The following ABCB10 variants were observed in gnomAD, a reference collection of about 807,000 sequenced individuals.
ABCB10 encodes ATP-binding cassette sub-family B member 10, mitochondrial.
ABCB10 carries 54 observed loss-of-function variants against 65.4 expected under a neutral mutation model. The observed-to-expected ratio is 0.83, with a 90% CI of 0.66 to 1.04. ABCB10 has a LOEUF of 1.04. Among genes scored for constraint, ABCB10 ranks in the 50% least tolerant of loss-of-function variants. The pLI is 0.00. For synonymous variants in ABCB10, 418 were observed against 406.5 expected (o/e 1.03, Z -0.34); for missense variants, 846 against 976.6 (o/e 0.87, Z 1.78).
At chr1:229,542,168 T>A (rs758013425) in intron 4 of ABCB10, 69 bp downstream of exon 4, 37 of 1,557,832 alleles carry the variant, frequency 2.4e-5, no homozygotes, top group Non-Finnish European at 3.2e-5. Context: ...TCCCTTAGGA[T>A]CTGCCCTCTA....
At chr1:229,543,825 A>C (rs1662906697) in intron 3 of ABCB10, among the ~76,000 whole-genome samples, 1 of 152,174 alleles carries the variant, frequency 6.6e-6, no homozygotes, top group Non-Finnish European at 1.5e-5. Context: ...CACCCTGAGA[A>C]GACAAGTCCA....
intron 6 of ABCB10, 32 bp downstream of exon 6, chr1:229,539,424 T>G: frequency 6.2e-7 from 1 of 1,605,338 alleles, no homozygotes; most frequent in Non-Finnish European, 8.5e-7. Context: ...ATTTTTAATT[T>G]GTAACACCCC....
chr1:229,558,631 G>A lies in ABCB10; in HGVS notation c.22C>T (p.Pro8Ser). The A allele has an allele frequency of 1.4e-6, 2 of 1,399,976 alleles. No individual in the cohort carries two copies. Among genetic ancestry groups the A allele is most frequent in the Non-Finnish European group, 1.9e-6 (2 of 1,076,914 alleles). The allele number at this position is 1,399,976 out of a possible 1,614,324, so 86.7% of individuals were successfully genotyped here. A position where few individuals can be genotyped will look rare whatever the true frequency, so the allele number is the denominator to read the frequency against. ...CTCGGTGGCTCGAGCAGCCGCAGCG[G>A]CCAGGCAGGGGGGCCTCGCATGGCG... MRGPPAWPLRLLEPPSPA... is the reference protein window; with the variant it reads MRGPPAWSLRLLEPPSPA... The change falls in exon 1 of 13, where the codon CCG becomes TCG. Residue 8 changes from proline to serine, a missense_variant. Physicochemically the swap from Pro to Ser is moderately conservative, Grantham distance 74 (BLOSUM62 -1). Around this residue, in one of 2 missense-constraint regions of ABCB10, gnomAD observed 214 missense variants for 173.5 expected, o/e 1.23. Transcript: ENST00000344517.
At position 229,517,663 on chromosome 1, in the gene ABCB10, GTTAA is replaced by G. The variant is rs1187116724; in HGVS notation, c.*512_*515del. 1 of 153,762 alleles carries G rather than the reference GTTAA, an allele frequency of 6.5e-6. No individual in the cohort carries two copies. Among genetic ancestry groups the G allele is most frequent in the Non-Finnish European group, 1.4e-5 (1 of 69,244 alleles). The allele number at this position is 153,762 out of a possible 1,614,324, so 9.5% of individuals were successfully genotyped here. A position where few individuals can be genotyped will look rare whatever the true frequency, so the allele number is the denominator to read the frequency against. On this transcript the variant is annotated 3_prime_UTR_variant, in exon 13 of 13. Coordinates refer to ENST00000344517, the MANE Select transcript of ABCB10 (RefSeq NM_012089.3). ...AAATGTTCCCTTCTTTCCAGCTGATGTTAAATAGTTAGGTTTGCTTCATGAGATT... is the reference window on the plus strand; with the variant it reads ...AAATGTTCCCTTCTTTCCAGCTGATGATAGTTAGGTTTGCTTCATGAGATT...
Position 229,529,017 on chromosome 1 carries a change from C to T in ABCB10, c.1645+1182G>A, listed in dbSNP as rs1195518888. On this transcript the variant is annotated intron_variant, in intron 8 of 12. Coordinates refer to ENST00000344517, the MANE Select transcript of ABCB10 (RefSeq NM_012089.3). ...ATCCATTAAGAAAATCCCGGCTGGG[C>T]GCGGTGGCTCACGCCTGTAATCCCA... Among the ~76,000 whole-genome samples the T allele has an allele frequency of 3.3e-5, 5 of 152,186 alleles. No individual in the cohort carries two copies. In the Middle Eastern group the frequency reaches 0.01, roughly 311 times the overall value.
intron 1 of ABCB10, among the ~76,000 whole-genome samples, chr1:229,553,195 C>A (rs376999505): frequency 3.7e-4 from 57 of 152,228 alleles, no homozygotes; most frequent in Middle Eastern, 6.8e-3. Context: ...ACTGCAACCT[C>A]CACCTCCCAG....
intron 10 of ABCB10, among the ~76,000 whole-genome samples, chr1:229,523,838 C>G (rs944178059): frequency 3.3e-5 from 5 of 152,136 alleles, no homozygotes; most frequent in African/African-American, 1.2e-4. Context: ...AATTTCACCA[C>G]GAGCAGTTTA....
intron 8 of ABCB10, 60 bp from the exon 9 acceptor site, chr1:229,527,368 C>T: frequency 6.9e-7 from 1 of 1,448,680 alleles, no homozygotes; most frequent in Non-Finnish European, 9.6e-7. Context: ...ATGACCAACA[C>T]AGAAAGGATC....
At chr1:229,520,526 A>G (rs545428010) in intron 11 of ABCB10, among the ~76,000 whole-genome samples, 17 of 152,070 alleles carry the variant, frequency 1.1e-4, no homozygotes, top group African/African-American at 3.9e-4. Context: ...AAAAAAAAAA[A>G]AGAGACTAAT....
At chr1:229,534,391 G>C (rs1035179556) in intron 6 of ABCB10, among the ~76,000 whole-genome samples, 7 of 151,974 alleles carry the variant, frequency 4.6e-5, no homozygotes, top group African/African-American at 1.7e-4. Flanking sequence ...AATTTTTTTT[G>C]TAAGAAAAAA....
intron 9 of ABCB10, among the ~76,000 whole-genome samples, chr1:229,526,726 C>T (rs2102685913): frequency 6.6e-6 from 1 of 152,314 alleles, no homozygotes. Flanking sequence ...AGCAACATTT[C>T]CCTGCCCCAA....
chr1:229,547,627 T>G lies in ABCB10; in HGVS notation c.793A>C (p.Lys265Gln). 1 of 1,614,202 alleles carries G rather than the reference T, an allele frequency of 6.2e-7. No individual in the cohort carries two copies. The highest frequency in any genetic ancestry group is 8.5e-7 in the Non-Finnish European group (1 of 1,180,046). The change falls in exon 3 of 13, where the codon AAG (lysine) becomes CAG (glutamine). Residue 265 changes from lysine (K) to glutamine (Q), a missense_variant. This residue lies in a region of ABCB10 where 632 missense variants were observed against 803.2 expected (regional missense o/e 0.79). Coordinates refer to ENST00000344517, the MANE Select transcript of ABCB10 (RefSeq NM_012089.3). ...TTAATCAATTCTCCTGTGCGAGTCT[T>G]GTCAAAGAAAGCAACCTCCTGCCTC... ...ILRQEVAFFD[K>Q]TRTGELINRL...
At chr1:229,524,761 G>A (rs1288644033) in intron 10 of ABCB10, among the ~76,000 whole-genome samples, 1 of 152,062 alleles carries the variant, frequency 6.6e-6, no homozygotes. Context: ...CGGCCCTCAA[G>A]CTAAGAATGT....
intron 6 of ABCB10, among the ~76,000 whole-genome samples, chr1:229,532,650 G>A (rs1428194899): frequency 6.6e-6 from 1 of 151,984 alleles, no homozygotes; most frequent in African/African-American, 2.4e-5. Flanking sequence ...GGAGGCCAAG[G>A]TGGGAGGATT....
At chr1:229,546,011 A>C (rs1662955271) in intron 3 of ABCB10, among the ~76,000 whole-genome samples, 2 of 152,232 alleles carry the variant, frequency 1.3e-5, no homozygotes, top group South Asian at 2.1e-4. Context: ...CTCTACTAAA[A>C]ATACAAAAAA....
chr1:229,555,440 T>G (rs1157277507), intron 1 of ABCB10, among the ~76,000 whole-genome samples: 2 of 152,264 alleles, frequency 1.3e-5, no homozygotes, highest in Non-Finnish European at 2.9e-5. Flanking sequence ...AGGGGCGGCT[T>G]AGGCCTTCCT....
Position 229,558,630 on chromosome 1 carries a change from GGC to G in ABCB10, c.21_22del (p.Trp7CysfsTer160), listed in dbSNP as rs1663328181. ...GCTCGGTGGCTCGAGCAGCCGCAGC[GGC>G]CAGGCAGGGGGGCCTCGCATGGCGC... On this transcript the variant is annotated frameshift_variant, in exon 1 of 13. Transcript: ENST00000344517. LOFTEE classifies it high-confidence loss of function. The G allele has an allele frequency of 7.1e-7, 1 of 1,399,678 alleles. No homozygotes were observed. Among genetic ancestry groups the G allele is most frequent in the Non-Finnish European group, 9.3e-7 (1 of 1,076,778 alleles). 86.7% of individuals were successfully genotyped at this position (1,399,678 alleles called of 1,614,324 possible).
At chr1:229,525,430 T>A (rs982979535) in intron 10 of ABCB10, among the ~76,000 whole-genome samples, 1 of 152,068 alleles carries the variant, frequency 6.6e-6, no homozygotes. Context: ...GGAACACATA[T>A]GGGGTAGAAA....
At chr1:229,548,661 TTTTTC>T (rs1663025689) in intron 2 of ABCB10, among the ~76,000 whole-genome samples, 3 of 150,174 alleles carry the variant, frequency 2.0e-5, no homozygotes, top group Middle Eastern at 3.4e-3. Context: ...ATTTTCTTTT[TTTTTC>T]TTTTTTTTTT....
Sources: gnomAD v4.1 joint callset for allele counts (sites outside exome capture counted in the v4.1 genomes callset) on GRCh38, gnomAD v4.1.1 for gene constraint, gnomAD v4.1.1 regional missense constraint, MANE v1.5 for transcripts, NCBI Gene and HGNC (gene_info 2026-07-23, HGNC 2026-07-21) for gene names.